Variants in PTAFR observed in about 807,000 individuals in gnomAD.
PTAFR encodes the protein platelet activating factor receptor.
PTAFR carries 8 observed loss-of-function variants against 14.7 expected under a neutral mutation model. The observed-to-expected ratio is 0.54, with a 90% confidence interval of 0.32 to 0.98. The LOEUF (loss-of-function observed/expected upper bound fraction) is 0.98, where lower values mean the gene tolerates loss of function less well. Among genes scored for constraint, PTAFR ranks in the 50% least tolerant of loss-of-function variants. The pLI, the probability that PTAFR is intolerant of heterozygous loss-of-function variation, is 0.04. For synonymous variants in PTAFR, 156 were observed against 176.5 expected, an observed-to-expected ratio of 0.88 and a Z score of 0.92; for missense variants, 337 against 451.2, an observed-to-expected ratio of 0.75 and a Z score of 2.29.
chr1:28,168,222 C>T (rs1358559404), intron 1 of PTAFR, among the ~76,000 whole-genome samples: 1 of 150,296 alleles, frequency 6.7e-6, no homozygotes, highest in Non-Finnish European at 1.5e-5. Context: ...CCGCCCTCCT[C>T]GGCCACCCAA....
At chr1:28,178,247 C>CTTTTTTTA (rs750305359), upstream of PTAFR, among the ~76,000 whole-genome samples, 3 of 152,002 alleles carry the variant, frequency 2.0e-5, no homozygotes, top group Non-Finnish European at 4.4e-5. Flanking sequence ...GGACAAAACA[C>CTTTTTTTA]TTTTTTTATT....
intron 1 of PTAFR, among the ~76,000 whole-genome samples, chr1:28,193,252 T>C (rs1195365319): frequency 6.6e-6 from 1 of 151,818 alleles, no homozygotes; most frequent in African/African-American, 2.4e-5. Context: ...GGGTGGAGGG[T>C]CTTCCGGGTT....
At chr1:28,157,012 G>A (rs1646271262) in intron 1 of PTAFR, among the ~76,000 whole-genome samples, 1 of 152,204 alleles carries the variant, frequency 6.6e-6, no homozygotes, top group African/African-American at 2.4e-5. Flanking sequence ...CCTGCACCCT[G>A]CCTGCCCACG....
upstream of PTAFR, among the ~76,000 whole-genome samples, chr1:28,178,984 C>T (rs1047146930): frequency 6.6e-6 from 1 of 151,780 alleles, no homozygotes; most frequent in Non-Finnish European, 1.5e-5. Context: ...GAGACCCCAT[C>T]TTCATATTTA....
At chr1:28,159,889 T>G (rs997110768) in intron 1 of PTAFR, among the ~76,000 whole-genome samples, 4 of 151,752 alleles carry the variant, frequency 2.6e-5, no homozygotes, top group African/African-American at 9.7e-5. Flanking sequence ...GTTTGGATCC[T>G]GATTCAAATA....
chr1:28,158,047 C>T (rs935537676), intron 1 of PTAFR, among the ~76,000 whole-genome samples: 12 of 152,158 alleles, frequency 7.9e-5, no homozygotes, highest in Non-Finnish European at 1.0e-4. Context: ...TCACAGCTCC[C>T]GGAGCTGAGC....
At chr1:28,153,416 C>T (rs997176906) in intron 1 of PTAFR, among the ~76,000 whole-genome samples, 2 of 151,856 alleles carry the variant, frequency 1.3e-5, no homozygotes, top group African/African-American at 4.8e-5. Context: ...TGGGGCTAAG[C>T]AAGGTCCAGC....
chr1:28,168,906 G>A (rs747870495), intron 1 of PTAFR, among the ~76,000 whole-genome samples: 8 of 152,056 alleles, frequency 5.3e-5, no homozygotes, highest in African/African-American at 7.2e-5. Flanking sequence ...GACCTCAAGC[G>A]ATCCACCCTC....
chr1:28,181,852 A>G (rs1027941156), intron 1 of PTAFR, among the ~76,000 whole-genome samples: 6 of 152,160 alleles, frequency 3.9e-5, no homozygotes, highest in Non-Finnish European at 7.4e-5. Context: ...GCTCATGCCT[A>G]TAATCCCAGC....
chr1:28,181,697 G>A (rs1003645245), intron 1 of PTAFR, among the ~76,000 whole-genome samples: 1 of 151,948 alleles, frequency 6.6e-6, no homozygotes, highest in Admixed American at 6.6e-5. Flanking sequence ...AGCCGAGATT[G>A]CACCATTGCA....
intron 1 of PTAFR, among the ~76,000 whole-genome samples, chr1:28,162,373 T>C (rs1384662196): frequency 6.6e-6 from 1 of 152,122 alleles, no homozygotes; most frequent in African/African-American, 2.4e-5. Context: ...CCGACAGGAT[T>C]GCCTACTCCC....
intron 1 of PTAFR, among the ~76,000 whole-genome samples, chr1:28,171,681 G>A (rs1465650966): frequency 1.3e-5 from 2 of 152,064 alleles, no homozygotes; most frequent in Non-Finnish European, 2.9e-5. Flanking sequence ...GAGAGGTTAC[G>A]GACAGGGTCT....
At chr1:28,164,779 G>A (rs1646363647) in intron 1 of PTAFR, among the ~76,000 whole-genome samples, 1 of 152,184 alleles carries the variant, frequency 6.6e-6, no homozygotes, top group Non-Finnish European at 1.5e-5. Flanking sequence ...TCACAGACCT[G>A]TCTTACAGCC....
At chr1:28,164,607 A>G (rs569050650) in intron 1 of PTAFR, among the ~76,000 whole-genome samples, 2 of 152,206 alleles carry the variant, frequency 1.3e-5, no homozygotes, top group Non-Finnish European at 2.9e-5. Flanking sequence ...CTAATTTTCT[A>G]GGGGTAAAAA....
chr1:28,164,213 T>A (rs1646357477), intron 1 of PTAFR, among the ~76,000 whole-genome samples: 1 of 152,176 alleles, frequency 6.6e-6, no homozygotes, highest in South Asian at 2.1e-4. Flanking sequence ...GGTTGGGAAG[T>A]TGGGTTCACC....
chr1:28,189,635 T>C (rs893013249), intron 1 of PTAFR, among the ~76,000 whole-genome samples: 1 of 151,204 alleles, frequency 6.6e-6, no homozygotes, highest in East Asian at 1.9e-4. Context: ...TAAATATAAA[T>C]AAACATAATG....
At chr1:28,190,999 C>T (rs563089125) in intron 1 of PTAFR, among the ~76,000 whole-genome samples, 5 of 152,324 alleles carry the variant, frequency 3.3e-5, no homozygotes, top group African/African-American at 7.2e-5. Flanking sequence ...GACGCCTGGC[C>T]GCTATCATTC....
chr1:28,172,860 C>G (rs1273295977), intron 1 of PTAFR, among the ~76,000 whole-genome samples: 1 of 151,836 alleles, frequency 6.6e-6, no homozygotes, highest in Non-Finnish European at 1.5e-5. Flanking sequence ...GGTGCCTGTG[C>G]CTCGCTTATC....
At chr1:28,166,773 T>G (rs1434209431) in intron 1 of PTAFR, among the ~76,000 whole-genome samples, 1 of 151,992 alleles carries the variant, frequency 6.6e-6, no homozygotes, top group Non-Finnish European at 1.5e-5. Context: ...AGCCAGGAGT[T>G]TGGGATCAGC....
Sources: gnomAD v4.1 joint callset for allele counts (sites outside exome capture counted in the v4.1 genomes callset) on GRCh38, gnomAD v4.1.1 for gene constraint, MANE v1.5 for transcripts, NCBI Gene and HGNC (gene_info 2026-07-23, HGNC 2026-07-21) for gene names.